The following ADARB2 variants were observed in gnomAD, a reference collection of about 807,000 sequenced individuals.
ADARB2 encodes the protein inactive double-stranded RNA-specific editase B2.
Under a neutral mutation model 62.2 loss-of-function variants are expected in ADARB2, and 25 were observed. The ratio of observed to expected loss-of-function variants is 0.40; its 90% CI spans 0.29 to 0.56. ADARB2 has a LOEUF of 0.56. Among genes scored for constraint, ADARB2 ranks in the 20% least tolerant of loss-of-function variants. ADARB2 has a pLI of 0.43. For missense variants in ADARB2, 1,071 were observed against 1,077.4 expected (o/e 0.99, Z 0.08); for synonymous variants, 572 against 500.8 (o/e 1.14, Z -1.90).
chr10:1,508,711 G>A (rs538195561), intron 1 of ADARB2, among the ~76,000 whole-genome samples: 64 of 152,278 alleles, frequency 4.2e-4, no homozygotes, highest in East Asian at 3.1e-3. Context: ...TCCGGGAGGC[G>A]GAGGTTGCAG....
At chr10:1,223,426 T>C (rs1249282373) in intron 6 of ADARB2, among the ~76,000 whole-genome samples, 1 of 152,182 alleles carries the variant, frequency 6.6e-6, no homozygotes, top group Admixed American at 6.5e-5. Flanking sequence ...CCTGCCTGAT[T>C]GCCCTGGCCA....
At chr10:1,691,470 AC>A (rs915666464) in intron 1 of ADARB2, among the ~76,000 whole-genome samples, 7 of 152,020 alleles carry the variant, frequency 4.6e-5, no homozygotes, top group African/African-American at 1.7e-4. Flanking sequence ...CTGCACTTGG[AC>A]CTATGACATC....
intron 1 of ADARB2, among the ~76,000 whole-genome samples, chr10:1,692,780 G>C (rs974400193): frequency 7.2e-5 from 11 of 152,200 alleles, no homozygotes; most frequent in Admixed American, 3.3e-4. Context: ...ACAGTGGACT[G>C]TCAGAATAAG....
chr10:1,363,060 G>T lies in ADARB2; in HGVS notation c.1045C>A (p.Pro349Thr), dbSNP rs746756011. 6.9e-7 allele frequency: 1 copy of T among 1,445,658 alleles called. No homozygotes were observed. The highest frequency in any genetic ancestry group is 1.4e-5 in the South Asian group (1 of 70,194). 89.6% of individuals were successfully genotyped at this position (1,445,658 alleles called of 1,614,324 possible). Residue 349 changes from proline to threonine, a missense_variant, in exon 3 of 10, where the codon CCC (proline) becomes ACC (threonine). By Grantham distance (38) the Pro-to-Thr change is conservative. Transcript: ENST00000381312. Reference sequence around the variant, plus strand: ...ATTGGCGTCCTCCTGGCCCTGCCGGGCGCGTGGCCGGGCATCTGGATGTCG... The same window carrying T: ...ATTGGCGTCCTCCTGGCCCTGCCGGTCGCGTGGCCGGGCATCTGGATGTCG... ...LFDIQMPGHA[P>T]GRARRTPMPQ...
chr10:1,296,616 T>C (rs1406776637), intron 3 of ADARB2, among the ~76,000 whole-genome samples: 1 of 151,778 alleles, frequency 6.6e-6, no homozygotes, highest in Non-Finnish European at 1.5e-5. Flanking sequence ...GGGGAAGGGG[T>C]CAGGATGGTT....
rs1356832370 is a variant in ADARB2 at position 1,535,175 on chromosome 10, G to A, written c.101-156015C>T. Among the ~76,000 whole-genome samples, 5 of 152,280 alleles carry A rather than the reference G, an allele frequency of 3.3e-5. No individual in the cohort carries two copies. In the East Asian group the frequency reaches 5.8e-4, roughly 18 times the overall value. ...CCATGATGGTGAGGGAGGTTCCCAC[G>A]GTCACGCGTGTGCTGGGATTCTGCT... On this transcript the variant is annotated intron_variant, in intron 1 of 9. Transcript: ENST00000381312.
At chr10:1,451,683 C>A (rs1831041776) in intron 1 of ADARB2, among the ~76,000 whole-genome samples, 1 of 151,752 alleles carries the variant, frequency 6.6e-6, no homozygotes, top group South Asian at 2.1e-4. Context: ...GGGGACACAC[C>A]TGTATGAGGA....
In ADARB2 at chr10:1,181,269, C is replaced by CT. The variant is rs11431343; in HGVS notation, c.*1923dup. 0.33 allele frequency: 50,844 copies of CT among 152,140 alleles called. 8,546 individuals carry two copies. The highest frequency in any genetic ancestry group is 0.4 in the Admixed American group (6,113 of 15,304). The allele number at this position is 152,140 out of a possible 1,614,324, so 9.4% of individuals were successfully genotyped here. A position where few individuals can be genotyped will look rare whatever the true frequency, so the allele number is the denominator to read the frequency against. On this transcript the variant is annotated 3_prime_UTR_variant, in exon 10 of 10. Transcript: ENST00000381312. The stretch of plus-strand genomic sequence containing the variant: ...CTGAGCCACCCATCACCTCTCGACT[C>CT]TAAGTTCTCTAAGCTTCATCCTAGT...
At chr10:1,652,841 C>T (rs1050338651) in intron 1 of ADARB2, among the ~76,000 whole-genome samples, 1 of 152,156 alleles carries the variant, frequency 6.6e-6, no homozygotes, top group African/African-American at 2.4e-5. Flanking sequence ...AAGGTCTTGG[C>T]CTAGGACTGA....
chr10:1,183,030 C>G lies in ADARB2; in HGVS notation c.*163G>C. ...CCAGCGATCTGGAAAGAGGCACGTT[C>G]TGAATTTGTGTTGTTGCTCGTCCAA... On this transcript the variant is annotated 3_prime_UTR_variant, in exon 10 of 10. Transcript: ENST00000381312. 1.2e-6 allele frequency: 1 copy of G among 804,828 alleles called. No homozygotes were observed. The highest frequency in any genetic ancestry group is 3.8e-4 in the Middle Eastern group (1 of 2,660). 49.9% of individuals were successfully genotyped at this position (804,828 alleles called of 1,614,324 possible).
intron 3 of ADARB2, among the ~76,000 whole-genome samples, chr10:1,332,486 T>TG (rs200842056): frequency 6.6e-6 from 1 of 151,208 alleles, no homozygotes; most frequent in African/African-American, 2.4e-5. Context: ...GTTTTGTTTT[T>TG]TTTTTTTTTG....
chr10:1,666,406 C>T (rs1051336196), intron 1 of ADARB2, among the ~76,000 whole-genome samples: 3 of 152,234 alleles, frequency 2.0e-5, no homozygotes, highest in African/African-American at 4.8e-5. Context: ...CAGCCTCTCT[C>T]GCCCAGGTGA....
At chr10:1,643,907 A>G (rs1834006115) in intron 1 of ADARB2, among the ~76,000 whole-genome samples, 1 of 152,128 alleles carries the variant, frequency 6.6e-6, no homozygotes. Flanking sequence ...AGTGGATGCT[A>G]CATTAGGTCA....
chr10:1,289,472 G>C (rs1831444365), intron 3 of ADARB2, among the ~76,000 whole-genome samples: 1 of 152,270 alleles, frequency 6.6e-6, no homozygotes, highest in Non-Finnish European at 1.5e-5. Context: ...ACCTGGAAGA[G>C]GGAGGAGGAG....
rs553906217 is a variant in ADARB2, at chr10:1,265,129, G to A, written c.1192+5826C>T. Among the ~76,000 whole-genome samples, 12 of 152,336 alleles carry A rather than the reference G, an allele frequency of 7.9e-5. No individual in the cohort carries two copies. In the East Asian group the frequency reaches 1.3e-3, roughly 17 times the overall value. ...ACCATCAGCTCTACATTTCAGCTCT[G>A]CCCCGCCCTCAGGGCATCAGGAAAG... On this transcript the variant is annotated intron_variant, in intron 4 of 9. Transcript: ENST00000381312.
Position 1,204,015 on chromosome 10 carries a change from C to G in ADARB2, c.1683-3868G>C, listed in dbSNP as rs143076471. Among the ~76,000 whole-genome samples, 5 of 152,270 alleles carry G rather than the reference C, an allele frequency of 3.3e-5. No homozygotes were observed. In the East Asian group the frequency reaches 9.7e-4, roughly 29 times the overall value. Reference sequence around the variant, plus strand: ...GAGAACCACCGTCTCCGTGTTGGTTCTGGGGTCACAGTAACTGTATCTACC... The same window carrying G: ...GAGAACCACCGTCTCCGTGTTGGTTGTGGGGTCACAGTAACTGTATCTACC... On this transcript the variant is annotated intron_variant, in intron 7 of 9. Coordinates refer to ENST00000381312, the MANE Select transcript of ADARB2 (RefSeq NM_018702.4).
rs374018480 is a variant in ADARB2, at chr10:1,593,125, T to C, written c.100+143926A>G. On this transcript the variant is annotated intron_variant, in intron 1 of 9. Coordinates refer to ENST00000381312, the MANE Select transcript of ADARB2 (RefSeq NM_018702.4). The stretch of plus-strand genomic sequence containing the variant: ...GTCTCCTCTCTGGCATGGTCCCCTC[T>C]GTCACCCAGCTCCCTTCACCCAAGC... Among the ~76,000 whole-genome samples, 6 of 110,056 alleles carry C rather than the reference T, an allele frequency of 5.5e-5. 2 individuals carry two copies. The East Asian group carries it at 2.0e-3, about 37-fold the overall frequency. 72.2% of individuals were successfully genotyped at this position (110,056 alleles called of 152,430 possible). A position where few individuals can be genotyped will look rare whatever the true frequency, so the allele number is the denominator to read the frequency against.
intron 4 of ADARB2, among the ~76,000 whole-genome samples, chr10:1,246,288 G>T (rs938200263): frequency 6.6e-6 from 1 of 150,456 alleles, no homozygotes. Context: ...TCTGTAGGTT[G>T]CCTGTTCACT....
intron 1 of ADARB2, among the ~76,000 whole-genome samples, chr10:1,623,613 CCTT>C (rs949884718): frequency 6.6e-6 from 1 of 152,228 alleles, no homozygotes; most frequent in Non-Finnish European, 1.5e-5. Flanking sequence ...GCTTTGAACT[CCTT>C]GTCTGTCCCG....
Sources: gnomAD v4.1 joint callset for allele counts (sites outside exome capture counted in the v4.1 genomes callset) on GRCh38, gnomAD v4.1.1 for gene constraint, MANE v1.5 for transcripts, NCBI Gene and HGNC (gene_info 2026-07-23, HGNC 2026-07-21) for gene names.